Variants in PMFBP1 observed in about 807,000 individuals in gnomAD.
The protein encoded by PMFBP1 is polyamine modulated factor 1 binding protein 1.
Under a neutral mutation model 137.8 loss-of-function variants are expected in PMFBP1, and 131 were observed. That is an observed-to-expected ratio of 0.95 (90% CI 0.82 to 1.10). PMFBP1 has a LOEUF of 1.10. Among genes scored for constraint, PMFBP1 ranks in the 50% least tolerant of loss-of-function variants. The pLI is 0.00. For missense variants in PMFBP1, 1,199 were observed against 1,175.4 expected, an observed-to-expected ratio of 1.02 and a Z score of -0.29; for synonymous variants, 490 against 450.4, an observed-to-expected ratio of 1.09 and a Z score of -1.11.
At chr16:72,197,741 T>G in the PMFBP1 span, among the ~76,000 whole-genome samples, 1 of 152,288 alleles carries the variant, frequency 6.6e-6, no homozygotes, top group South Asian at 2.1e-4. Context: ...GAGGATTGAC[T>G]AAGATAAAGT....
intron 17 of PMFBP1, 124 bp from the exon 18 acceptor site, chr16:72,123,773 G>T: frequency 1.2e-6 from 1 of 827,862 alleles, no homozygotes; most frequent in Non-Finnish European, 1.9e-6. Context: ...TCCAACCCGA[G>T]GCCAGAGTTG....
the PMFBP1 span, among the ~76,000 whole-genome samples, chr16:72,212,078 A>T: frequency 6.6e-6 from 1 of 152,194 alleles, no homozygotes; most frequent in Non-Finnish European, 1.5e-5. Context: ...CAGAAATTAT[A>T]GCAAGATGTA....
At chr16:72,155,468 T>C (rs952951535) in intron 3 of PMFBP1, among the ~76,000 whole-genome samples, 2 of 152,238 alleles carry the variant, frequency 1.3e-5, no homozygotes, top group East Asian at 3.8e-4. Flanking sequence ...TTTCTGTGCA[T>C]TTTAACTTCT....
At chr16:72,155,252 A>G (rs1004051863) in intron 3 of PMFBP1, among the ~76,000 whole-genome samples, 4 of 152,116 alleles carry the variant, frequency 2.6e-5, no homozygotes, top group African/African-American at 9.7e-5. Flanking sequence ...TGACAATGAC[A>G]CGTGAGGTTA....
the PMFBP1 span, among the ~76,000 whole-genome samples, chr16:72,236,337 G>C: frequency 1.3e-5 from 2 of 152,130 alleles, no homozygotes; most frequent in African/African-American, 4.8e-5. Context: ...GAAGAGGATA[G>C]GAAACAAAAT....
At chr16:72,237,716 G>T in the PMFBP1 span, among the ~76,000 whole-genome samples, 1 of 151,980 alleles carries the variant, frequency 6.6e-6, no homozygotes, top group Non-Finnish European at 1.5e-5. Context: ...TGTTATGGGG[G>T]TTTGTTCTAC....
chr16:72,228,854 T>A, the PMFBP1 span, among the ~76,000 whole-genome samples: 3 of 140,558 alleles, frequency 2.1e-5, no homozygotes, highest in Non-Finnish European at 4.7e-5. Flanking sequence ...TTTTTTTTTT[T>A]ACTTTCCAAC....
At chr16:72,218,466 T>C in the PMFBP1 span, among the ~76,000 whole-genome samples, 1 of 152,126 alleles carries the variant, frequency 6.6e-6, no homozygotes. Context: ...TAGCTGGGCT[T>C]ACAGCTGCCA....
At chr16:72,218,871 G>T in the PMFBP1 span, among the ~76,000 whole-genome samples, 1 of 152,094 alleles carries the variant, frequency 6.6e-6, no homozygotes, top group Non-Finnish European at 1.5e-5. Flanking sequence ...TGGGAAAAAG[G>T]GCATCGCAGG....
chr16:72,207,414 A>G, the PMFBP1 span, among the ~76,000 whole-genome samples: 1 of 152,206 alleles, frequency 6.6e-6, no homozygotes, highest in Non-Finnish European at 1.5e-5. Flanking sequence ...GAGAAACAAT[A>G]TTCAGACCCA....
intron 3 of PMFBP1, among the ~76,000 whole-genome samples, chr16:72,157,951 C>A (rs538729754): frequency 3.0e-4 from 45 of 152,202 alleles, no homozygotes; most frequent in African/African-American, 1.1e-3. Context: ...ACAGATGATG[C>A]CAGGGTTTTT....
chr16:72,215,906 A>C, the PMFBP1 span, among the ~76,000 whole-genome samples: 1 of 152,216 alleles, frequency 6.6e-6, no homozygotes, highest in Non-Finnish European at 1.5e-5. Flanking sequence ...GGATAAATAT[A>C]CTAACTACCT....
chr16:72,209,162 C>T, the PMFBP1 span, among the ~76,000 whole-genome samples: 1 of 152,180 alleles, frequency 6.6e-6, no homozygotes, highest in Admixed American at 6.5e-5. Flanking sequence ...TAAAGAAGAG[C>T]GTACAAATAG....
chr16:72,186,056 A>C, the PMFBP1 span, among the ~76,000 whole-genome samples: 1 of 152,184 alleles, frequency 6.6e-6, no homozygotes, highest in Non-Finnish European at 1.5e-5. Flanking sequence ...CAGAGCTAGG[A>C]GGGGTCCACC....
chr16:72,235,149 C>T, the PMFBP1 span, among the ~76,000 whole-genome samples: 1 of 152,060 alleles, frequency 6.6e-6, no homozygotes, highest in Admixed American at 6.6e-5. Context: ...ATGTTTTCTT[C>T]TGAGATTTTT....
chr16:72,173,054 G>A (rs558584572), upstream of PMFBP1, among the ~76,000 whole-genome samples: 1 of 152,324 alleles, frequency 6.6e-6, no homozygotes, highest in East Asian at 1.9e-4. Context: ...ACACTAAACA[G>A]GATTCTAGGC....
intron 2 of PMFBP1, among the ~76,000 whole-genome samples, 159 bp downstream of exon 2, chr16:72,171,038 C>G (rs2043213010): frequency 6.6e-6 from 1 of 152,180 alleles, no homozygotes; most frequent in Admixed American, 6.5e-5. Context: ...CAGACCCACC[C>G]AGCTCGAGTC....
At chr16:72,195,499 A>T in the PMFBP1 span, among the ~76,000 whole-genome samples, 1 of 151,894 alleles carries the variant, frequency 6.6e-6, no homozygotes, top group African/African-American at 2.4e-5. Flanking sequence ...AACCTTGCTA[A>T]CCCCTCCTGC....
chr16:72,242,831 G>C, the PMFBP1 span, among the ~76,000 whole-genome samples: 20 of 152,216 alleles, frequency 1.3e-4, no homozygotes, highest in Non-Finnish European at 7.3e-5. Flanking sequence ...TCTTTGAAAA[G>C]AGAGAGCACA....
Sources: gnomAD v4.1 joint callset for allele counts (sites outside exome capture counted in the v4.1 genomes callset) on GRCh38, gnomAD v4.1.1 for gene constraint, MANE v1.5 for transcripts, NCBI Gene and HGNC (gene_info 2026-07-23, HGNC 2026-07-21) for gene names.